RIC1: variants seen among roughly 807,000 people sequenced by gnomAD.
The protein encoded by RIC1 is guanine nucleotide exchange factor subunit RIC1.
RIC1 carries 88 observed loss-of-function variants against 169.0 expected under a neutral mutation model. The observed-to-expected ratio is 0.52, with a 90% CI of 0.44 to 0.62. The LOEUF is 0.62. RIC1 is among the 20% of genes least tolerant of loss of function. The probability of loss-of-function intolerance (pLI) is 0.00; values close to 1 mark genes in which losing one functional copy is unlikely to be tolerated. For missense variants in RIC1, 1,877 were observed against 1,725.5 expected, an observed-to-expected ratio of 1.09 and a Z score of -1.56; for synonymous variants, 790 against 601.5, an observed-to-expected ratio of 1.31 and a Z score of -4.59.
intron 3 of RIC1, among the ~76,000 whole-genome samples, chr9:5,704,535 G>GT (rs1413710701): frequency 6.6e-6 from 1 of 151,908 alleles, no homozygotes; most frequent in East Asian, 1.9e-4. Flanking sequence ...TAATTGGTTT[G>GT]TTTATCTTTG....
At chr9:5,653,418 C>G (rs1486750748) in intron 1 of RIC1, among the ~76,000 whole-genome samples, 1 of 152,090 alleles carries the variant, frequency 6.6e-6, no homozygotes, top group Non-Finnish European at 1.5e-5. Flanking sequence ...GGTCTTTTGC[C>G]TCTCTGTATC....
At chr9:5,739,037 A>G (rs954349769) in intron 8 of RIC1, among the ~76,000 whole-genome samples, 6 of 152,166 alleles carry the variant, frequency 3.9e-5, no homozygotes, top group Non-Finnish European at 5.9e-5. Flanking sequence ...TCTGACATAC[A>G]GAGAAGTGCA....
chr9:5,701,613 G>A (rs1480345565), intron 3 of RIC1, among the ~76,000 whole-genome samples: 1 of 150,890 alleles, frequency 6.6e-6, no homozygotes, highest in East Asian at 1.9e-4. Flanking sequence ...AAAAAGAAAA[G>A]TTCAGTTACA....
rs548025349 is a variant in RIC1 at position 5,629,277 on chromosome 9, G to C, written c.-33G>C. On this transcript the variant is annotated 5_prime_UTR_variant, in exon 1 of 26. Transcript: ENST00000414202. ...CCCGGGGCCGCTGAGTGTGACGGACGCAACTGGGGGCGCCGGGGGCTCCGC... is the reference window on the plus strand; with the variant it reads ...CCCGGGGCCGCTGAGTGTGACGGACCCAACTGGGGGCGCCGGGGGCTCCGC... 34 of 1,446,098 alleles carry C rather than the reference G, an allele frequency of 2.4e-5. No individual in the cohort carries two copies. The highest frequency in any genetic ancestry group is 2.8e-5 in the Non-Finnish European group (31 of 1,097,756). 89.6% of individuals were successfully genotyped at this position (1,446,098 alleles called of 1,614,324 possible).
At chr9:5,657,277 C>G (rs1204546062) in intron 2 of RIC1, among the ~76,000 whole-genome samples, 1 of 151,760 alleles carries the variant, frequency 6.6e-6, no homozygotes, top group East Asian at 1.9e-4. Flanking sequence ...TTCTTCTGTT[C>G]TATTAAACGT....
At chr9:5,718,166 A>AAAG (rs1823380133) in intron 4 of RIC1, among the ~76,000 whole-genome samples, 1 of 150,258 alleles carries the variant, frequency 6.7e-6, no homozygotes, top group African/African-American at 2.4e-5. Flanking sequence ...AAAAAAAAAA[A>AAAG]GTTCAGTTCT....
intron 3 of RIC1, among the ~76,000 whole-genome samples, chr9:5,705,553 A>G (rs1362404888): frequency 2.0e-5 from 3 of 152,134 alleles, no homozygotes; most frequent in African/African-American, 2.4e-5. Flanking sequence ...AGAATTTTCT[A>G]TATATACTAT....
chr9:5,713,068 G>T (rs1044924763), intron 3 of RIC1: 3 of 152,188 alleles, frequency 2.0e-5, no homozygotes, highest in Non-Finnish European at 2.9e-5. Flanking sequence ...GGACTTGTTT[G>T]CCTCTTTGTG....
intron 16 of RIC1, 114 bp from the exon 17 acceptor site, chr9:5,757,199 G>A (rs552284184): frequency 5.7e-6 from 7 of 1,221,856 alleles, no homozygotes; most frequent in Non-Finnish European, 8.2e-6. Context: ...ATGATAGGTA[G>A]TAAGACATCT....
intron 7 of RIC1, among the ~76,000 whole-genome samples, chr9:5,735,289 C>T (rs894247041): frequency 6.6e-6 from 1 of 151,988 alleles, no homozygotes; most frequent in African/African-American, 2.4e-5. Flanking sequence ...AGTCAAGTGA[C>T]TAGAAAGCCC....
chr9:5,735,010 A>C (rs1317416472), intron 7 of RIC1, among the ~76,000 whole-genome samples: 2 of 152,202 alleles, frequency 1.3e-5, no homozygotes, highest in East Asian at 3.8e-4. Flanking sequence ...CCACCAGCTA[A>C]ATTTCTTCTA....
chr9:5,742,460 GT>G (rs1018282443), intron 8 of RIC1, among the ~76,000 whole-genome samples: 2 of 151,886 alleles, frequency 1.3e-5, no homozygotes, highest in African/African-American at 4.8e-5. Flanking sequence ...TGCTCCTTAC[GT>G]TTTTTTAATC....
At chr9:5,654,969 G>A (rs1215357808) in intron 1 of RIC1, among the ~76,000 whole-genome samples, 1 of 152,138 alleles carries the variant, frequency 6.6e-6, no homozygotes, top group Non-Finnish European at 1.5e-5. Context: ...CTTATTCTAG[G>A]AGGATTTTTG....
At chr9:5,679,298 A>G (rs10975236) in intron 2 of RIC1, among the ~76,000 whole-genome samples, 53,825 of 151,820 alleles carry the variant, frequency 0.35, 10,141 homozygotes, top group East Asian at 0.62. Flanking sequence ...TGTTCTTTTG[A>G]CTTAGGATTG....
At chr9:5,751,157 A>G (rs1453105669) in intron 12 of RIC1, among the ~76,000 whole-genome samples, 1 of 151,898 alleles carries the variant, frequency 6.6e-6, no homozygotes, top group East Asian at 1.9e-4. Flanking sequence ...AGTACTCATG[A>G]AACACCAAGG....
intron 1 of RIC1, among the ~76,000 whole-genome samples, chr9:5,635,594 T>C (rs1817933828): frequency 6.6e-6 from 1 of 152,244 alleles, no homozygotes; most frequent in South Asian, 2.1e-4. Context: ...CTTTGTAATA[T>C]ACTTTGAAAT....
At chr9:5,771,413 T>C (rs141775718) in intron 23 of RIC1, among the ~76,000 whole-genome samples, 376 of 152,326 alleles carry the variant, frequency 2.5e-3, no homozygotes, top group African/African-American at 8.6e-3. Context: ...ATACCACGTT[T>C]TGTGTATTCT....
At chr9:5,746,849 A>C (rs970411471) in intron 11 of RIC1, among the ~76,000 whole-genome samples, 5 of 152,184 alleles carry the variant, frequency 3.3e-5, no homozygotes, top group African/African-American at 1.2e-4. Flanking sequence ...AAAAATGTGA[A>C]AATAGCCTGA....
At chr9:5,768,849 A>G (rs779719278) in intron 21 of RIC1, 121 bp from the exon 22 acceptor site, 56 of 1,081,182 alleles carry the variant, frequency 5.2e-5, no homozygotes, top group East Asian at 7.3e-5. Flanking sequence ...TTCATTGTCA[A>G]TCAGAATTAG....
Sources: allele counts gnomAD v4.1 joint callset (sites outside exome capture counted in the v4.1 genomes callset), GRCh38; gene constraint gnomAD v4.1.1; transcripts MANE v1.5; gene names NCBI Gene and HGNC (gene_info 2026-07-23, HGNC 2026-07-21).